PCDHA7: variants seen among roughly 807,000 people sequenced by gnomAD.
PCDHA7 encodes protocadherin alpha-7.
PCDHA7 carries 37 observed loss-of-function variants against 57.2 expected under a neutral mutation model. The ratio of observed to expected loss-of-function variants is 0.65; its 90% CI spans 0.50 to 0.85. The LOEUF is 0.85. PCDHA7 is among the 40% of genes least tolerant of loss of function. The probability of loss-of-function intolerance (pLI) is 0.00; values close to 1 mark genes in which losing one functional copy is unlikely to be tolerated. For missense variants in PCDHA7, 1,188 were observed against 1,241.8 expected (o/e 0.96, Z 0.65); for synonymous variants, 553 against 558.8 (o/e 0.99, Z 0.15).
At chr5:140,894,184 A>T (rs1411546476) in intron 1 of PCDHA7, among the ~76,000 whole-genome samples, 13 of 152,046 alleles carry the variant, frequency 8.6e-5, no homozygotes, top group African/African-American at 3.1e-4. Context: ...TTCCATAGTT[A>T]TATATTTTTT....
chr5:140,869,056 GTAC>G, intron 1 of PCDHA7: 2 of 1,549,424 alleles, frequency 1.3e-6, no homozygotes, highest in Non-Finnish European at 1.7e-6. Flanking sequence ...GAAGAATCTG[GTAC>G]TGTAAGTGTA....
chr5:140,926,990 G>T (rs2083733718), intron 1 of PCDHA7: 1 of 1,611,558 alleles, frequency 6.2e-7, no homozygotes, highest in Admixed American at 1.7e-5. Flanking sequence ...ACGGAGCGGG[G>T]CGTAGCCGTA....
chr5:140,883,581 C>A, intron 1 of PCDHA7: 2 of 1,614,018 alleles, frequency 1.2e-6, no homozygotes, highest in Non-Finnish European at 1.7e-6. Flanking sequence ...CTGTGGGCCA[C>A]GGCCAGCGTG....
chr5:140,872,828 A>G (rs1393520150), intron 1 of PCDHA7, among the ~76,000 whole-genome samples: 2 of 152,234 alleles, frequency 1.3e-5, no homozygotes, highest in African/African-American at 4.8e-5. Flanking sequence ...CATCTAGCAG[A>G]GAAAAAATTA....
At position 141,009,867 on chromosome 5, in the gene PCDHA7, A is replaced by C. The variant is rs374660085; in HGVS notation, c.2744A>C (p.Lys915Thr). 4.3e-6 allele frequency: 7 copies of C among 1,613,976 alleles called. No individual in the cohort carries two copies. The African/African-American group carries it at 9.3e-5, about 22-fold the overall frequency. ...GAGGAGACCAAGAAAAAGAAGAAAA[A>C]GAAGAAGGGTAACAAGACCCAGGAG... Reference protein sequence around the residue: ...KKEETKKKKKKKKGNKTQEKK... With the variant: ...KKEETKKKKKTKKGNKTQEKK... Residue 915 changes from lysine (K) to threonine (T), a missense_variant, in exon 4 of 4, where the codon AAG becomes ACG. Coordinates refer to ENST00000525929, the MANE Select transcript of PCDHA7 (RefSeq NM_018910.3).
intron 3 of PCDHA7, among the ~76,000 whole-genome samples, chr5:140,984,963 A>T (rs1390500469): frequency 1.3e-5 from 2 of 151,890 alleles, no homozygotes; most frequent in Non-Finnish European, 2.9e-5. Context: ...TTTGAGACAG[A>T]GTCTCGCTCT....
chr5:140,837,513 T>A (rs1414175460), intron 1 of PCDHA7, among the ~76,000 whole-genome samples: 2 of 96,810 alleles, frequency 2.1e-5, no homozygotes, highest in Admixed American at 9.8e-5. Flanking sequence ...CTGAAGCAGT[T>A]TACTTTTTTT....
chr5:140,856,660 T>C, intron 1 of PCDHA7: 1 of 1,597,974 alleles, frequency 6.3e-7, no homozygotes, highest in Non-Finnish European at 8.6e-7. Flanking sequence ...GTGAAGAAAA[T>C]CCTCAGCTAA....
At chr5:140,930,649 G>A (rs1300720133) in intron 1 of PCDHA7, among the ~76,000 whole-genome samples, 1 of 152,156 alleles carries the variant, frequency 6.6e-6, no homozygotes, top group Non-Finnish European at 1.5e-5. Context: ...GGAAAATGAA[G>A]CATTCCTTGT....
At chr5:141,000,385 CTCTCTCTCTCTATA>C (rs1173975015) in intron 3 of PCDHA7, among the ~76,000 whole-genome samples, 30 of 64,968 alleles carry the variant, frequency 4.6e-4, no homozygotes, top group African/African-American at 1.8e-3. Context: ...CTCTCTCTCT[CTCTCTCTCTCTATA>C]TATATATATA....
At position 140,862,994 on chromosome 5, in the gene PCDHA7, G is replaced by A. The variant is rs199654880; in HGVS notation, c.2355+26256G>A. 324 of 549,002 alleles carry A rather than the reference G, an allele frequency of 5.9e-4. 3 individuals are homozygous for A. The highest frequency in any genetic ancestry group is 1.3e-3 in the South Asian group (92 of 72,564). 34.0% of individuals were successfully genotyped at this position (549,002 alleles called of 1,614,324 possible). On this transcript the variant is annotated intron_variant, in intron 1 of 3. Coordinates refer to ENST00000525929, the MANE Select transcript of PCDHA7 (RefSeq NM_018910.3). ...CCACTTGGTGGCGAAGGTGCGCACGGTGGACTCCAGCTATGACGCCTGGTT... is the reference window on the plus strand; with the variant it reads ...CCACTTGGTGGCGAAGGTGCGCACGATGGACTCCAGCTATGACGCCTGGTT...
At position 140,835,925 on chromosome 5, in the gene PCDHA7, C is replaced by A. The variant is rs1375358248; in HGVS notation, c.1542C>A (p.Ser514Arg). Residue 514 changes from serine to arginine, a missense_variant, in exon 1 of 4, where the codon AGC becomes AGA. This residue lies in a region of PCDHA7 where 892 missense variants were observed against 788.5 expected (regional missense o/e 1.13). Coordinates refer to ENST00000525929, the MANE Select transcript of PCDHA7 (RefSeq NM_018910.3). ...LSSYVSVHAESGKVYALQPLD... is the reference protein window; with the variant it reads ...LSSYVSVHAERGKVYALQPLD... ...GCTACGTGTCAGTGCACGCGGAGAG[C>A]GGCAAGGTGTACGCGCTGCAGCCGT... 3 of 1,612,234 alleles carry A rather than the reference C, an allele frequency of 1.9e-6. No individual in the cohort carries two copies. Among genetic ancestry groups the A allele is most frequent in the Non-Finnish European group, 2.5e-6 (3 of 1,179,648 alleles).
chr5:140,969,007 A>T, intron 1 of PCDHA7: 2 of 1,614,148 alleles, frequency 1.2e-6, no homozygotes, highest in Non-Finnish European at 1.7e-6. Context: ...GCTTCTGTGG[A>T]GTAAGGGAAA....
In PCDHA7 at chr5:140,993,861, T is replaced by G. The variant is rs143253452; in HGVS notation, c.2503+11298T>G. 3.2e-4 allele frequency among the ~76,000 whole-genome samples: 49 copies of G among 152,356 alleles called. No homozygotes were observed. In the East Asian group the frequency reaches 9.4e-3, roughly 29 times the overall value. On this transcript the variant is annotated intron_variant, in intron 3 of 3. Transcript: ENST00000525929. ...TAGGTATGTAGTAGGCTATGCCATC[T>G]AGGTTTGTGTAAGTACGCTCTATGA... is the stretch of plus-strand genomic sequence containing the variant.
At chr5:140,852,737 C>CGG in intron 1 of PCDHA7, 1 of 983,808 alleles carries the variant, frequency 1.0e-6, no homozygotes, top group Non-Finnish European at 1.2e-6. Context: ...GTTTCATGTG[C>CGG]CATTTAAACT....
At chr5:140,884,307 C>G (rs144612735) in intron 1 of PCDHA7, 1 of 1,613,724 alleles carries the variant, frequency 6.2e-7, no homozygotes. Context: ...CAGGCTTCGT[C>G]GAGGGCGTCG....
At chr5:140,866,776 T>A (rs1554160548) in intron 1 of PCDHA7, 1 of 152,168 alleles carries the variant, frequency 6.6e-6, no homozygotes, top group African/African-American at 2.4e-5. Flanking sequence ...AGATTGTATG[T>A]CCTGACTGAT....
chr5:141,004,163 G>A (rs374407159), intron 3 of PCDHA7, among the ~76,000 whole-genome samples: 3 of 152,234 alleles, frequency 2.0e-5, no homozygotes, highest in African/African-American at 7.2e-5. Context: ...TATAGGCAAA[G>A]CCAGCCAAGT....
chr5:140,980,057 C>T (rs559895684), intron 2 of PCDHA7, among the ~76,000 whole-genome samples: 2 of 152,272 alleles, frequency 1.3e-5, no homozygotes, highest in East Asian at 3.9e-4. Context: ...GATTCAGAAG[C>T]AATCAGTGAA....
Sources: allele counts gnomAD v4.1 joint callset (sites outside exome capture counted in the v4.1 genomes callset), GRCh38; gene constraint gnomAD v4.1.1; regional missense constraint gnomAD v4.1.1; transcripts MANE v1.5; gene names NCBI Gene and HGNC (gene_info 2026-07-23, HGNC 2026-07-21).